CYTH3: variants seen among roughly 807,000 people sequenced by gnomAD.
CYTH3 encodes cytohesin-3.
A neutral mutation model predicts 55.1 loss-of-function variants in CYTH3; 23 were observed. That is an observed-to-expected ratio of 0.42 (90% CI 0.30 to 0.59). CYTH3 has a LOEUF of 0.59. CYTH3 is among the 20% of genes least tolerant of loss of function. CYTH3 has a pLI of 0.20. For missense variants in CYTH3, 413 were observed against 524.8 expected, an observed-to-expected ratio of 0.79 and a Z score of 2.08; for synonymous variants, 249 against 194.9, an observed-to-expected ratio of 1.28 and a Z score of -2.31.
rs1782947242 is a variant in CYTH3, at chr7:6,165,007, G to A, written c.1137C>T (p.Ile379=). The part of the protein sequence containing the change: ...EEWMKSIKAS[I]SRDPFYDMLA... ...ACATGTCATAGAAGGGATCTCTGCT[G>A]ATACTGGCTCTGGTGAAAAAAGGAA... is the stretch of plus-strand genomic sequence containing the variant. Residue 379 remains isoleucine (I), a synonymous_variant, in exon 13 of 13, where the codon ATC becomes ATT. Transcript: ENST00000350796. The A allele has an allele frequency of 6.2e-7, 1 of 1,614,092 alleles. No homozygotes were observed. Among genetic ancestry groups the A allele is most frequent in the Non-Finnish European group, 8.5e-7 (1 of 1,180,042 alleles).
intron 1 of CYTH3, among the ~76,000 whole-genome samples, chr7:6,261,251 G>C (rs1355635959): frequency 6.6e-6 from 1 of 152,040 alleles, no homozygotes; most frequent in Admixed American, 6.6e-5. Flanking sequence ...AATCCAAGAA[G>C]GTCAGCAGAA....
intron 1 of CYTH3, among the ~76,000 whole-genome samples, chr7:6,233,655 CAAA>C (rs557639314): frequency 7.5e-5 from 6 of 79,594 alleles, no homozygotes; most frequent in Admixed American, 1.5e-4. Flanking sequence ...GACTCCATCT[CAAA>C]AAAAAAAAAA....
At chr7:6,246,935 CTT>C (rs1018103542) in intron 1 of CYTH3, among the ~76,000 whole-genome samples, 2 of 151,904 alleles carry the variant, frequency 1.3e-5, no homozygotes, top group African/African-American at 4.8e-5. Context: ...TTCAAACAAT[CTT>C]TTAGTTGGTT....
At chr7:6,208,216 T>C (rs1015460309) in intron 1 of CYTH3, among the ~76,000 whole-genome samples, 1 of 152,166 alleles carries the variant, frequency 6.6e-6, no homozygotes, top group Non-Finnish European at 1.5e-5. Context: ...AGGGCAGTCA[T>C]TGCAAGATTT....
At chr7:6,165,449 G>A (rs779481325) in intron 11 of CYTH3, 22 bp from the exon 12 acceptor site, 9 of 1,610,108 alleles carry the variant, frequency 5.6e-6, no homozygotes, top group African/African-American at 1.3e-5. Context: ...AGAGAGAGGG[G>A]AGGCGGTCAG....
intron 1 of CYTH3, among the ~76,000 whole-genome samples, chr7:6,209,509 A>G (rs1188925321): frequency 6.6e-6 from 1 of 152,174 alleles, no homozygotes; most frequent in African/African-American, 2.4e-5. Flanking sequence ...AGCTTCACAA[A>G]TGCACGTGAC....
Position 6,170,744 on chromosome 7 carries a change from G to A in CYTH3, c.711+86C>T. On this transcript the variant is annotated intron_variant, in intron 8 of 12. Coordinates refer to ENST00000350796, the MANE Select transcript of CYTH3 (RefSeq NM_004227.4). This position sits in a 1 kb window ranked among gnomAD's most constrained non-coding sequence, Gnocchi z 7.8. ...GGACCAGGGCGGCAAGGAGGCTTGG[G>A]AGGCGTGTCTAGAGCCGCGGGCGCT... 2.5e-6 allele frequency: 4 copies of A among 1,568,634 alleles called. No homozygotes were observed. The highest frequency in any genetic ancestry group is 3.5e-6 in the Non-Finnish European group (4 of 1,155,488).
chr7:6,195,109 A>G (rs1431789997), intron 1 of CYTH3, among the ~76,000 whole-genome samples: 1 of 152,218 alleles, frequency 6.6e-6, no homozygotes, highest in Non-Finnish European at 1.5e-5. Flanking sequence ...ATCACAGAAA[A>G]TAACTTTTGG....
chr7:6,165,853 G>A, intron 9 of CYTH3, 43 bp from the exon 10 acceptor site: 1 of 1,603,942 alleles, frequency 6.2e-7, no homozygotes, highest in Non-Finnish European at 8.5e-7. Flanking sequence ...CCGTGCACAG[G>A]GAGCCCGCGG....
At chr7:6,242,469 C>G (rs771907273) in intron 1 of CYTH3, among the ~76,000 whole-genome samples, 77 of 151,168 alleles carry the variant, frequency 5.1e-4, no homozygotes, top group African/African-American at 1.7e-3. Context: ...CTCCGCCTCC[C>G]AGGTTCAAGC....
At position 6,170,672 on chromosome 7, in the gene CYTH3, G is replaced by C; in HGVS notation, c.712-26C>G. On this transcript the variant is annotated intron_variant, in intron 8 of 12. Transcript: ENST00000350796. This position sits in a 1 kb window ranked among gnomAD's most constrained non-coding sequence, Gnocchi z 7.8. ...CTGCAAGGAGGGAAAACAGCAGCCA[G>C]TTCAGAGACTCGGAGGAAAATGGCT... 6.2e-7 allele frequency: 1 copy of C among 1,606,164 alleles called. No homozygotes were observed. Among genetic ancestry groups the C allele is most frequent in the African/African-American group, 1.3e-5 (1 of 74,908 alleles).
intron 9 of CYTH3, among the ~76,000 whole-genome samples, chr7:6,166,490 C>T (rs1206912896): frequency 1.3e-5 from 2 of 152,222 alleles, no homozygotes; most frequent in East Asian, 3.9e-4. Flanking sequence ...CCCCATGCCT[C>T]TCCAGCGCTG....
intron 1 of CYTH3, among the ~76,000 whole-genome samples, chr7:6,256,406 T>C (rs370808189): frequency 1.1e-4 from 17 of 152,328 alleles, no homozygotes; most frequent in African/African-American, 4.1e-4. Context: ...CACAAATTCT[T>C]TGCTCCCCTT....
chr7:6,231,363 T>C lies in CYTH3; in HGVS notation c.35-40832A>G, dbSNP rs117574734. Among the ~76,000 whole-genome samples, 221 of 152,038 alleles carry C rather than the reference T, an allele frequency of 1.5e-3. 5 individuals are homozygous for C. In the East Asian group the frequency reaches 0.032, roughly 22 times the overall value. ...AGCCTCCTGGGCAAAGGAAACAGAG[T>C]GAGCACGAAGACTCCAAAGAGCCCT... On this transcript the variant is annotated intron_variant, in intron 1 of 12. Transcript: ENST00000350796.
intron 1 of CYTH3, among the ~76,000 whole-genome samples, chr7:6,247,421 C>CA (rs1779848761): frequency 6.7e-6 from 1 of 149,994 alleles, no homozygotes; most frequent in African/African-American, 2.5e-5. Context: ...AGAAACAGCT[C>CA]GTTTTTTTTC....
At position 6,170,308 on chromosome 7, in the gene CYTH3, G is replaced by T. The variant is rs1004604540; in HGVS notation, c.823+227C>A. ...TCAGCAGTTTTCTGGGACGGGCCGT[G>T]CAGCCTGGGCGCTACTCTCTGCCGC... On this transcript the variant is annotated intron_variant, in intron 9 of 12. Transcript: ENST00000350796. The surrounding 1 kb of genome is among the most constrained non-coding windows in gnomAD (Gnocchi z 7.8). 23 of 545,708 alleles carry T rather than the reference G, an allele frequency of 4.2e-5. No individual in the cohort carries two copies. The highest frequency in any genetic ancestry group is 1.9e-5 in the Non-Finnish European group (6 of 310,176). The allele number at this position is 545,708 out of a possible 1,614,324, so 33.8% of individuals were successfully genotyped here.
chr7:6,246,747 A>G (rs1425512611), intron 1 of CYTH3, among the ~76,000 whole-genome samples: 1 of 150,860 alleles, frequency 6.6e-6, no homozygotes, highest in Non-Finnish European at 1.5e-5. Flanking sequence ...TTGTTACTGA[A>G]TAACTGGGAT....
intron 1 of CYTH3, among the ~76,000 whole-genome samples, chr7:6,201,422 T>G (rs894851497): frequency 2.3e-4 from 35 of 152,228 alleles, no homozygotes; most frequent in African/African-American, 7.7e-4. Context: ...TGTGGTGATC[T>G]TCACTGTTCC....
At chr7:6,247,422 G>T (rs778556390) in intron 1 of CYTH3, among the ~76,000 whole-genome samples, 1 of 151,584 alleles carries the variant, frequency 6.6e-6, no homozygotes, top group African/African-American at 2.4e-5. Context: ...GAAACAGCTC[G>T]TTTTTTTTCA....
Sources: allele counts gnomAD v4.1 joint callset (sites outside exome capture counted in the v4.1 genomes callset), GRCh38; gene constraint gnomAD v4.1.1; non-coding constraint Gnocchi (gnomAD v3.1); transcripts MANE v1.5; gene names NCBI Gene and HGNC (gene_info 2026-07-23, HGNC 2026-07-21).